The following MIS18A variants were observed in gnomAD, a reference collection of about 807,000 sequenced individuals.
MIS18A encodes the protein protein Mis18-alpha.
MIS18A carries 14 observed loss-of-function variants against 25.0 expected under a neutral mutation model. The ratio of observed to expected loss-of-function variants is 0.56; its 90% confidence interval spans 0.37 to 0.88. The LOEUF is 0.88. MIS18A is among the 40% of genes least tolerant of loss of function. The probability of loss-of-function intolerance (pLI) is 0.00; values close to 1 mark genes in which losing one functional copy is unlikely to be tolerated. For missense variants in MIS18A, 292 were observed against 290.8 expected, an observed-to-expected ratio of 1.00 and a Z score of -0.03; for synonymous variants, 134 against 118.6, an observed-to-expected ratio of 1.13 and a Z score of -0.84.
At chr21:32,252,248 G>A in the MIS18A span, among the ~76,000 whole-genome samples, 9 of 65,970 alleles carry the variant, frequency 1.4e-4, no homozygotes, top group East Asian at 8.8e-4. Context: ...GAAGGAGGAG[G>A]AGGAGGAGGA....
the MIS18A span, among the ~76,000 whole-genome samples, chr21:32,196,941 G>A: frequency 6.6e-6 from 1 of 152,024 alleles, no homozygotes; most frequent in African/African-American, 2.4e-5. Context: ...GTTCACACGT[G>A]TTTGTATAAG....
At chr21:32,222,226 G>C in the MIS18A span, among the ~76,000 whole-genome samples, 1 of 152,066 alleles carries the variant, frequency 6.6e-6, no homozygotes, top group East Asian at 1.9e-4. Context: ...AGGGATCAAT[G>C]CAACAAGAAA....
At chr21:32,228,271 T>G in the MIS18A span, among the ~76,000 whole-genome samples, 5 of 152,174 alleles carry the variant, frequency 3.3e-5, no homozygotes, top group African/African-American at 4.8e-5. Context: ...GTATTTTTAG[T>G]TGAGACGGGG....
the MIS18A span, among the ~76,000 whole-genome samples, chr21:32,169,822 G>A: frequency 3.3e-5 from 5 of 151,930 alleles, no homozygotes; most frequent in African/African-American, 7.3e-5. Flanking sequence ...AAAACTTCAC[G>A]GAATAAGCCC....
At chr21:32,180,003 C>A in the MIS18A span, among the ~76,000 whole-genome samples, 5 of 152,148 alleles carry the variant, frequency 3.3e-5, no homozygotes, top group Non-Finnish European at 7.3e-5. Flanking sequence ...CCAGAGATTC[C>A]ACAATAGAGC....
the MIS18A span, among the ~76,000 whole-genome samples, chr21:32,248,847 T>C: frequency 1.3e-5 from 2 of 152,216 alleles, no homozygotes; most frequent in South Asian, 4.1e-4. Context: ...CCTTTTGTCT[T>C]GTAGCAAAAG....
At chr21:32,171,264 A>G in the MIS18A span, among the ~76,000 whole-genome samples, 1 of 152,098 alleles carries the variant, frequency 6.6e-6, no homozygotes, top group African/African-American at 2.4e-5. Context: ...AACTGTCAGA[A>G]CTAATAAATG....
the MIS18A span, among the ~76,000 whole-genome samples, chr21:32,182,837 T>C: frequency 6.6e-6 from 1 of 152,214 alleles, no homozygotes; most frequent in Non-Finnish European, 1.5e-5. Context: ...TTTATTATTC[T>C]GTTCTAGCAA....
At chr21:32,246,218 A>G in the MIS18A span, among the ~76,000 whole-genome samples, 7 of 152,166 alleles carry the variant, frequency 4.6e-5, no homozygotes, top group Admixed American at 4.6e-4. Context: ...CATTTCAACA[A>G]GAGATTTGGG....
chr21:32,260,936 C>T, the MIS18A span: 1 of 152,260 alleles, frequency 6.6e-6, no homozygotes, highest in African/African-American at 2.4e-5. Flanking sequence ...CACTTGAACC[C>T]AGAGGCGAAG....
At chr21:32,172,679 A>G in the MIS18A span, among the ~76,000 whole-genome samples, 1 of 152,046 alleles carries the variant, frequency 6.6e-6, no homozygotes, top group Admixed American at 6.6e-5. Flanking sequence ...AACAATCTTT[A>G]AAAAGAACAA....
intron 2 of MIS18A, among the ~76,000 whole-genome samples, chr21:32,273,121 T>C (rs926938308): frequency 3.3e-5 from 5 of 151,880 alleles, no homozygotes; most frequent in East Asian, 1.9e-4. Context: ...TTTTCTTTTT[T>C]TTTTTTTTTC....
At chr21:32,240,786 A>G in the MIS18A span, among the ~76,000 whole-genome samples, 314 of 121,842 alleles carry the variant, frequency 2.6e-3, 3 homozygotes, top group African/African-American at 9.3e-3. Flanking sequence ...TGGTTTTTTT[A>G]AAGTACCTAC....
the MIS18A span, among the ~76,000 whole-genome samples, chr21:32,188,080 C>G: frequency 6.6e-6 from 1 of 152,084 alleles, no homozygotes; most frequent in Non-Finnish European, 1.5e-5. Context: ...CATCTGCAAG[C>G]CAAGAAAAGG....
Position 32,278,759 on chromosome 21 carries a change from A to G in MIS18A, c.256T>C (p.Ser86Pro), listed in dbSNP as rs778297155. 1 of 1,578,878 alleles carries G rather than the reference A, an allele frequency of 6.3e-7. No homozygotes were observed. The highest frequency in any genetic ancestry group is 2.3e-5 in the East Asian group (1 of 43,878). Residue 86 changes from serine to proline, a missense_variant, in exon 1 of 5, where the codon TCC becomes CCC. Ser to Pro is a moderately conservative substitution (Grantham distance 74, BLOSUM62 -1). Transcript: ENST00000290130. ...AEERPLVFLC[S>P]GCRRPLGDSL... Reference sequence around the variant, plus strand: ...TCGCCCAGCGGCCGCCGGCAGCCGGAGCACAGGAACACCAGCGGCCTCTCC... The same window carrying G: ...TCGCCCAGCGGCCGCCGGCAGCCGGGGCACAGGAACACCAGCGGCCTCTCC...
the MIS18A span, among the ~76,000 whole-genome samples, chr21:32,217,296 A>T: frequency 6.6e-6 from 1 of 152,204 alleles, no homozygotes; most frequent in Non-Finnish European, 1.5e-5. Context: ...AGACAAAAAG[A>T]ATAAAAACGA....
At chr21:32,174,595 T>A in the MIS18A span, among the ~76,000 whole-genome samples, 1 of 152,196 alleles carries the variant, frequency 6.6e-6, no homozygotes, top group Non-Finnish European at 1.5e-5. Context: ...AACTTGCATG[T>A]GTTTAATAAC....
the MIS18A span, among the ~76,000 whole-genome samples, chr21:32,166,886 A>G: frequency 6.6e-6 from 1 of 152,142 alleles, no homozygotes; most frequent in Non-Finnish European, 1.5e-5. Flanking sequence ...AAAACTTCCA[A>G]TTACTACCTT....
chr21:32,161,810 G>A, the MIS18A span, among the ~76,000 whole-genome samples: 4 of 151,050 alleles, frequency 2.6e-5, no homozygotes, highest in African/African-American at 7.3e-5. Flanking sequence ...TTAAATAAAC[G>A]TTTTTTGACT....
Sources: allele counts gnomAD v4.1 joint callset (sites outside exome capture counted in the v4.1 genomes callset), GRCh38; gene constraint gnomAD v4.1.1; transcripts MANE v1.5; gene names NCBI Gene and HGNC (gene_info 2026-07-23, HGNC 2026-07-21).